SHARPIN: variants seen among roughly 807,000 people sequenced by gnomAD.
The protein encoded by SHARPIN is SHANK associated RH domain interactor, also known as hSIPL1.
A neutral mutation model predicts 40.3 loss-of-function variants in SHARPIN; 25 were observed. The ratio of observed to expected loss-of-function variants is 0.62; its 90% CI spans 0.45 to 0.87. SHARPIN has a LOEUF of 0.87. Ranked by LOEUF, SHARPIN falls within the 40% of genes least tolerant of loss-of-function variation. The probability of loss-of-function intolerance (pLI) is 0.00; values close to 1 mark genes in which losing one functional copy is unlikely to be tolerated. For missense variants in SHARPIN, 551 were observed against 516.1 expected, an observed-to-expected ratio of 1.07 and a Z score of -0.66; for synonymous variants, 274 against 221.8, an observed-to-expected ratio of 1.24 and a Z score of -2.09.
intron 2 of SHARPIN, 132 bp from the exon 3 acceptor site, chr8:144,100,201 C>T (rs1312101927): frequency 5.4e-6 from 6 of 1,115,220 alleles, no homozygotes; most frequent in East Asian, 2.7e-5. Flanking sequence ...CACTTCTAGC[C>T]ACACCTTCTC....
rs12549149 is a variant in SHARPIN, at chr8:144,103,543, C to G, written c.201+10G>C. ...AGAGGACTGACCGCGCGCCCTCCGCCCCCACTCACCGCCCCAGGTCCCGCG... is the reference window on the plus strand; with the variant it reads ...AGAGGACTGACCGCGCGCCCTCCGCGCCCACTCACCGCCCCAGGTCCCGCG... On this transcript the variant is annotated intron_variant, in intron 1 of 8. Coordinates refer to ENST00000398712, the MANE Select transcript of SHARPIN (RefSeq NM_030974.4). 2 of 1,531,278 alleles carry G rather than the reference C, an allele frequency of 1.3e-6. No individual in the cohort carries two copies. Among genetic ancestry groups the G allele is most frequent in the Admixed American group, 2.0e-5 (1 of 50,810 alleles). The allele number at this position is 1,531,278 out of a possible 1,614,324, so 94.9% of individuals were successfully genotyped here. A position where few individuals can be genotyped will look rare whatever the true frequency, so the allele number is the denominator to read the frequency against.
At chr8:144,101,289 T>G (rs1219116622) in intron 2 of SHARPIN, among the ~76,000 whole-genome samples, 1 of 151,464 alleles carries the variant, frequency 6.6e-6, no homozygotes, top group African/African-American at 2.4e-5. Flanking sequence ...CAGGCTGGAG[T>G]GCAGTGGCAC....
At position 144,099,537 on chromosome 8, in the gene SHARPIN, G is replaced by C. The variant is rs761689468; in HGVS notation, c.741C>G (p.His247Gln). The change falls in exon 5 of 9, where the codon CAC becomes CAG. Residue 247 changes from histidine to glutamine, a missense_variant. By Grantham distance (24) the His-to-Gln change is conservative. Transcript: ENST00000398712. ...GCTCCTGGAGAGCTGCAACAGTGCA[G>C]TGGGGGTGGACCTGCAGGGCAACGT... Reference protein sequence around the residue: ...SAHVALQVHPHCTVAALQEQV... With the variant: ...SAHVALQVHPQCTVAALQEQV... 6.2e-7 allele frequency: 1 copy of C among 1,613,926 alleles called. No homozygotes were observed. The highest frequency in any genetic ancestry group is 1.3e-5 in the African/African-American group (1 of 74,932).
At position 144,102,465 on chromosome 8, in the gene SHARPIN, G is replaced by A. The variant is rs531557606; in HGVS notation, c.376+586C>T. Among the ~76,000 whole-genome samples, 3 of 152,070 alleles carry A rather than the reference G, an allele frequency of 2.0e-5. No individual in the cohort carries two copies. In the East Asian group the frequency reaches 5.8e-4, roughly 29 times the overall value. On this transcript the variant is annotated intron_variant, in intron 2 of 8. Coordinates refer to ENST00000398712, the MANE Select transcript of SHARPIN (RefSeq NM_030974.4). The stretch of plus-strand genomic sequence containing the variant: ...ATTTTTGTATTTTTAGTAGAGACAG[G>A]GTTTCACCTTGCTGACCAGGCTGGT...
intron 2 of SHARPIN, among the ~76,000 whole-genome samples, chr8:144,100,569 G>C (rs566907704): frequency 3.5e-4 from 53 of 152,254 alleles, no homozygotes; most frequent in Admixed American, 7.8e-4. Flanking sequence ...CCAGCCCACT[G>C]CAATGGGGGG....
Position 144,103,651 on chromosome 8 carries a change from G to C in SHARPIN, c.103C>G (p.Pro35Ala). 1.3e-6 allele frequency: 2 copies of C among 1,523,466 alleles called. No homozygotes were observed. Among genetic ancestry groups the C allele is most frequent in the Non-Finnish European group, 1.8e-6 (2 of 1,142,276 alleles). The allele number at this position is 1,523,466 out of a possible 1,614,324, so 94.4% of individuals were successfully genotyped here. A position where few individuals can be genotyped will look rare whatever the true frequency, so the allele number is the denominator to read the frequency against. The part of the protein sequence containing the change: ...HAAVRPLGAG[P>A]DAEAQLRRLQ... ...CTCCGCAGCTGTGCCTCGGCGTCTGGCCCGGCGCCCAGCGGCCTCACCGCG... is the reference window on the plus strand; with the variant it reads ...CTCCGCAGCTGTGCCTCGGCGTCTGCCCCGGCGCCCAGCGGCCTCACCGCG... Residue 35 changes from proline to alanine, a missense_variant, in exon 1 of 9, where the codon CCA (proline) becomes GCA (alanine). By Grantham distance (27) the Pro-to-Ala change is conservative. Transcript: ENST00000398712.
chr8:144,099,876 C>A (rs1836252321), intron 3 of SHARPIN, 32 bp from the exon 4 acceptor site: 1 of 1,611,300 alleles, frequency 6.2e-7, no homozygotes, highest in Non-Finnish European at 8.5e-7. Context: ...GCTGTCACCA[C>A]TGGGGACTAT....
chr8:144,099,193 C>T lies in SHARPIN; in HGVS notation c.935G>A (p.Ser312Asn). 1 of 1,604,390 alleles carries T rather than the reference C, an allele frequency of 6.2e-7. No homozygotes were observed. The highest frequency in any genetic ancestry group is 8.5e-7 in the Non-Finnish European group (1 of 1,176,238). The stretch of plus-strand genomic sequence containing the variant: ...GTCCATCTTCTGGGGGTGCTGAGGG[C>T]TAGGTCCTGTGGCTGAGGGGGTGGA... ...APREAPATGP[S>N]PQHPQKMDGE... The change falls in exon 7 of 9, where the codon AGC (serine) becomes AAC (asparagine). Residue 312 changes from serine to asparagine, a missense_variant. Coordinates refer to ENST00000398712, the MANE Select transcript of SHARPIN (RefSeq NM_030974.4).
At chr8:144,099,646 G>C in intron 4 of SHARPIN, 28 bp from the exon 5 acceptor site, 1 of 1,613,476 alleles carries the variant, frequency 6.2e-7, no homozygotes, top group Non-Finnish European at 8.5e-7. Flanking sequence ...TTCAGGGATG[G>C]ATGGGGGACC....
In SHARPIN at chr8:144,103,549, T is replaced by C; in HGVS notation, c.201+4A>G. On this transcript the variant is annotated splice_donor_region_variant and intron_variant, in intron 1 of 8. Coordinates refer to ENST00000398712, the MANE Select transcript of SHARPIN (RefSeq NM_030974.4). ...CTGACCGCGCGCCCTCCGCCCCCAC[T>C]CACCGCCCCAGGTCCCGCGCCCAGC... 6 of 1,531,688 alleles carry C rather than the reference T, an allele frequency of 3.9e-6. No homozygotes were observed. Among genetic ancestry groups the C allele is most frequent in the Non-Finnish European group, 5.2e-6 (6 of 1,145,602 alleles). 94.9% of individuals were successfully genotyped at this position (1,531,688 alleles called of 1,614,324 possible). A position where few individuals can be genotyped will look rare whatever the true frequency, so the allele number is the denominator to read the frequency against.
intron 2 of SHARPIN, among the ~76,000 whole-genome samples, chr8:144,102,336 A>G (rs1836303744): frequency 6.6e-6 from 1 of 151,028 alleles, no homozygotes; most frequent in Admixed American, 6.6e-5. Flanking sequence ...TGCAGTGGCA[A>G]GATCTCAGCT....
chr8:144,100,122 G>A (rs897693147), intron 2 of SHARPIN, 53 bp from the exon 3 acceptor site: 46 of 1,513,890 alleles, frequency 3.0e-5, no homozygotes, highest in Non-Finnish European at 3.9e-5. Context: ...AGGCCTCTAG[G>A]CCCTTGGTTT....
chr8:144,103,138 C>T lies in SHARPIN; in HGVS notation c.289G>A (p.Gly97Arg). 6.2e-7 allele frequency: 1 copy of T among 1,613,812 alleles called. No homozygotes were observed. The highest frequency in any genetic ancestry group is 1.3e-5 in the African/African-American group (1 of 75,026). The change falls in exon 2 of 9, where the codon GGA becomes AGA. Residue 97 changes from glycine to arginine, a missense_variant. By Grantham distance (125) the Gly-to-Arg change is moderately radical. Coordinates refer to ENST00000398712, the MANE Select transcript of SHARPIN (RefSeq NM_030974.4). ...HELQPPPGGP[G>R]TLSLHFLNPQ... ...TTGAGGAAGTGCAGGCTGAGGGTTC[C>T]AGGCCCTCCTGGTGGAGGCTGTAGC...
rs765934841 is a variant in SHARPIN at position 144,103,576 on chromosome 8, G to T, written c.178C>A (p.Leu60Met). ...PERPGRFRLE[L>M]LGAGPGAVNL... ...ACCGCCCCAGGTCCCGCGCCCAGCA[G>T]CTCCAGCCGGAAGCGCCCAGGCCGC... The change falls in exon 1 of 9, where the codon CTG becomes ATG. Residue 60 changes from leucine (L) to methionine (M), a missense_variant. Transcript: ENST00000398712. 3 of 1,531,026 alleles carry T rather than the reference G, an allele frequency of 2.0e-6. No homozygotes were observed. In the South Asian group the frequency reaches 3.6e-5, roughly 18 times the overall value. The allele number at this position is 1,531,026 out of a possible 1,614,324, so 94.8% of individuals were successfully genotyped here. A position where few individuals can be genotyped will look rare whatever the true frequency, so the allele number is the denominator to read the frequency against.
chr8:144,099,371 C>G lies in SHARPIN; in HGVS notation c.828G>C (p.Leu276=). Reference sequence around the variant, plus strand: ...AGGCAAGGCTGCGCTCAGGCACACACAGGCACCGTCCGATGACCCAGCGTT... The same window carrying G: ...AGGCAAGGCTGCGCTCAGGCACACAGAGGCACCGTCCGATGACCCAGCGTT... ...AVQRWVIGRC[L]CVPERSLASY... The change falls in exon 6 of 9, where the codon CTG becomes CTC. Residue 276 remains leucine, a synonymous_variant. Transcript: ENST00000398712. 1 of 1,613,808 alleles carries G rather than the reference C, an allele frequency of 6.2e-7. No homozygotes were observed. Among genetic ancestry groups the G allele is most frequent in the Non-Finnish European group, 8.5e-7 (1 of 1,179,860 alleles).
chr8:144,100,285 A>G (rs1836264337), intron 2 of SHARPIN, among the ~76,000 whole-genome samples: 1 of 152,172 alleles, frequency 6.6e-6, no homozygotes, highest in Non-Finnish European at 1.5e-5. Flanking sequence ...CACTTAGTTC[A>G]TATTTGGGAA....
intron 1 of SHARPIN, 94 bp from the exon 2 acceptor site, chr8:144,103,319 C>A: frequency 7.1e-7 from 1 of 1,400,290 alleles, no homozygotes; most frequent in Non-Finnish European, 9.7e-7. Context: ...AGACCATTTA[C>A]ACGGTCCTAA....
intron 2 of SHARPIN, chr8:144,102,841 C>A (rs1451404300): frequency 1.7e-6 from 1 of 602,738 alleles, no homozygotes; most frequent in Non-Finnish European, 3.0e-6. Flanking sequence ...GTGGAGGCTG[C>A]AACTTGTGCT....
rs770739038 is a variant in SHARPIN at position 144,099,805 on chromosome 8, C to T, written c.557G>A (p.Gly186Glu). Residue 186 changes from glycine to glutamate, a missense_variant, in exon 4 of 9, where the codon GGA (glycine) becomes GAA (glutamate). Physicochemically the swap from Gly to Glu is moderately conservative, Grantham distance 98. Transcript: ENST00000398712. ...AGSLARAIAG[G>E]DEKGAAQVAA... is the part of the protein sequence containing the mutation. The stretch of plus-strand genomic sequence containing the variant: ...CACTTGGGCTGCCCCCTTCTCGTCT[C>T]CACCTGCAATAGCCCGGGCCAGGCT... 3.1e-6 allele frequency: 5 copies of T among 1,612,792 alleles called. No homozygotes were observed. In the African/African-American group the frequency reaches 4.0e-5, roughly 13 times the overall value.
Sources: gnomAD v4.1 joint callset for allele counts (sites outside exome capture counted in the v4.1 genomes callset) on GRCh38, gnomAD v4.1.1 for gene constraint, MANE v1.5 for transcripts, NCBI Gene and HGNC (gene_info 2026-07-23, HGNC 2026-07-21) for gene names.